The following TEKT3 variants were observed in gnomAD, a reference collection of about 807,000 sequenced individuals.
TEKT3 encodes tektin-3.
A neutral mutation model predicts 49.8 loss-of-function variants in TEKT3; 49 were observed. The observed-to-expected ratio is 0.98, with a 90% CI of 0.78 to 1.25. The LOEUF (loss-of-function observed/expected upper bound fraction) is 1.25. Ranked by LOEUF, TEKT3 falls within the 50% of genes most tolerant of loss-of-function variation. The pLI, the probability that TEKT3 is intolerant of heterozygous loss-of-function variation, is 0.00. For missense variants in TEKT3, 595 were observed against 629.5 expected (o/e 0.95, Z 0.59); for synonymous variants, 225 against 237.2 (o/e 0.95, Z 0.47).
At chr17:15,338,422 A>C (rs1427840519) in intron 2 of TEKT3, 3 of 152,042 alleles carry the variant, frequency 2.0e-5, no homozygotes, top group African/African-American at 7.2e-5. Context: ...GAAATACCTC[A>C]GTTTTTAAAA....
rs200189861 is a variant in TEKT3 at position 15,312,214 on chromosome 17, G to T, written c.1101+45C>A. 1.1e-5 allele frequency: 17 copies of T among 1,578,826 alleles called. No individual in the cohort carries two copies. In the East Asian group the frequency reaches 3.8e-4, roughly 35 times the overall value. ...GAGATTTGTAGTCCCAGAGCACACC[G>T]CTCTGTCCAGGTCAGCTAAGGGGTA... On this transcript the variant is annotated intron_variant, in intron 7 of 8. Coordinates refer to ENST00000395930, the MANE Select transcript of TEKT3 (RefSeq NM_031898.3).
intron 4 of TEKT3, among the ~76,000 whole-genome samples, chr17:15,319,705 C>A (rs1200147245): frequency 6.6e-6 from 1 of 152,216 alleles, no homozygotes; most frequent in Non-Finnish European, 1.5e-5. Flanking sequence ...GTACAAACAC[C>A]TGTGCTAGCC....
At chr17:15,306,079 A>ATT (rs1491277233) in intron 8 of TEKT3, among the ~76,000 whole-genome samples, 1 of 79,758 alleles carries the variant, frequency 1.3e-5, no homozygotes, top group African/African-American at 5.6e-5. Flanking sequence ...ACCACAGTTT[A>ATT]TTTATATATA....
At chr17:15,312,502 C>A in intron 6 of TEKT3, 21 bp from the exon 7 acceptor site, 3 of 1,607,974 alleles carry the variant, frequency 1.9e-6, no homozygotes, top group Non-Finnish European at 2.6e-6. Flanking sequence ...GAAGCAGAAG[C>A]AGACAACAGT....
rs1004297942 is a variant in TEKT3, at chr17:15,331,592, A to C, written c.-7T>G. 6.3e-7 allele frequency: 1 copy of C among 1,598,388 alleles called. No individual in the cohort carries two copies. Among genetic ancestry groups the C allele is most frequent in the Admixed American group, 1.7e-5 (1 of 57,604 alleles). Reference sequence around the variant, plus strand: ...TACAACCTACACGTTCCATGATGCCAAAACACTATTTGTAAATCTCTCCTG... The same window carrying C: ...TACAACCTACACGTTCCATGATGCCCAAACACTATTTGTAAATCTCTCCTG... On this transcript the variant is annotated 5_prime_UTR_variant, in exon 3 of 9. Coordinates refer to ENST00000395930, the MANE Select transcript of TEKT3 (RefSeq NM_031898.3).
At chr17:15,310,777 C>T (rs1910736928) in intron 7 of TEKT3, 1 of 152,138 alleles carries the variant, frequency 6.6e-6, no homozygotes, top group Non-Finnish European at 1.5e-5. Context: ...TCACACCGGC[C>T]TTCTAAAAGG....
chr17:15,341,948 T>C (rs1005928011), upstream of TEKT3, among the ~76,000 whole-genome samples: 2 of 152,190 alleles, frequency 1.3e-5, no homozygotes, highest in Non-Finnish European at 2.9e-5. Context: ...CTAAGGCACA[T>C]CAGGGCTGCC....
chr17:15,339,581 G>A (rs1912139499), intron 2 of TEKT3, among the ~76,000 whole-genome samples: 1 of 152,108 alleles, frequency 6.6e-6, no homozygotes, highest in Non-Finnish European at 1.5e-5. Flanking sequence ...GCTTCATACT[G>A]GGTAAACATT....
At chr17:15,342,318 C>T (rs1046500974), upstream of TEKT3, among the ~76,000 whole-genome samples, 4 of 152,196 alleles carry the variant, frequency 2.6e-5, no homozygotes, top group Non-Finnish European at 2.9e-5. Context: ...AACACTAAAA[C>T]TCAAATCAGT....
chr17:15,316,074 T>C (rs555420801), intron 5 of TEKT3, among the ~76,000 whole-genome samples: 2 of 152,354 alleles, frequency 1.3e-5, no homozygotes, highest in South Asian at 4.1e-4. Context: ...TTGTGAATTC[T>C]AAGACAGTAT....
intron 3 of TEKT3, among the ~76,000 whole-genome samples, chr17:15,329,017 G>C (rs777853127): frequency 6.6e-6 from 1 of 152,032 alleles, no homozygotes; most frequent in Non-Finnish European, 1.5e-5. Context: ...ACGGGTAGAG[G>C]GGAACTCTGA....
In TEKT3 at chr17:15,312,283, A is replaced by C. The variant is rs746066348; in HGVS notation, c.1077T>G (p.Asn359Lys). The C allele has an allele frequency of 1.9e-6, 3 of 1,614,066 alleles. No homozygotes were observed. Among genetic ancestry groups the C allele is most frequent in the Non-Finnish European group, 2.5e-6 (3 of 1,180,046 alleles). ...CCTTTGCTAAGTGCGTCTGAATCTTATTCTTAGCATCTGCAGTCTCAGCAA... is the reference window on the plus strand; with the variant it reads ...CCTTTGCTAAGTGCGTCTGAATCTTCTTCTTAGCATCTGCAGTCTCAGCAA... ...NRIAETADAKNKIQTHLAKTL... is the reference protein window; with the variant it reads ...NRIAETADAKKKIQTHLAKTL... Residue 359 changes from asparagine (N) to lysine (K), a missense_variant, in exon 7 of 9, where the codon AAT (asparagine) becomes AAG (lysine). By Grantham distance (94) the Asn-to-Lys change is moderately conservative (BLOSUM62 0). Transcript: ENST00000395930.
At chr17:15,314,774 A>G (rs1910931786) in intron 5 of TEKT3, among the ~76,000 whole-genome samples, 1 of 152,208 alleles carries the variant, frequency 6.6e-6, no homozygotes, top group Non-Finnish European at 1.5e-5. Context: ...GCCAGGAGAT[A>G]AAAACCAAGG....
chr17:15,317,500 A>G (rs907395172), intron 5 of TEKT3, among the ~76,000 whole-genome samples: 2 of 152,202 alleles, frequency 1.3e-5, no homozygotes, highest in African/African-American at 2.4e-5. Flanking sequence ...TTTCCAAATT[A>G]AAAAACCCTT....
In TEKT3 at chr17:15,314,075, T is replaced by G. The variant is rs539939011; in HGVS notation, c.878+12A>C. On this transcript the variant is annotated intron_variant, in intron 6 of 8. Coordinates refer to ENST00000395930, the MANE Select transcript of TEKT3 (RefSeq NM_031898.3). The stretch of plus-strand genomic sequence containing the variant: ...ACATCGAAATCACAGCCGTGGCGTG[T>G]GCCTGACTTACGTTGCATCGACCCT... 39 of 1,614,208 alleles carry G rather than the reference T, an allele frequency of 2.4e-5. 1 individual carries two copies. In the South Asian group the frequency reaches 4.0e-4, roughly 16 times the overall value.
At chr17:15,342,289 G>A (rs1464783137), upstream of TEKT3, among the ~76,000 whole-genome samples, 3 of 152,200 alleles carry the variant, frequency 2.0e-5, no homozygotes, top group East Asian at 5.8e-4. Context: ...CTTAGACAAT[G>A]TGACTCAGTG....
At chr17:15,308,946 C>T (rs1019797419) in intron 7 of TEKT3, 128 bp from the exon 8 acceptor site, 26 of 1,145,038 alleles carry the variant, frequency 2.3e-5, no homozygotes, top group African/African-American at 9.1e-5. Context: ...AGTTGCTTCA[C>T]CAAGACCGTC....
rs1448279245 is a variant in TEKT3 at position 15,341,525 on chromosome 17, C to G, written c.-71G>C. The G allele has an allele frequency of 6.6e-6, 1 of 152,426 alleles. No homozygotes were observed. Among genetic ancestry groups the G allele is most frequent in the Admixed American group, 6.5e-5 (1 of 15,286 alleles). The allele number at this position is 152,426 out of a possible 1,614,324, so 9.4% of individuals were successfully genotyped here. On this transcript the variant is annotated 5_prime_UTR_variant, in exon 1 of 9. Coordinates refer to ENST00000395930, the MANE Select transcript of TEKT3 (RefSeq NM_031898.3). ...GTCAGCGAGACCACTCACCTGTCGGCGGATGCCCGGCGAGGGGCGGGAAGG... is the reference window on the plus strand; with the variant it reads ...GTCAGCGAGACCACTCACCTGTCGGGGGATGCCCGGCGAGGGGCGGGAAGG...
upstream of TEKT3, among the ~76,000 whole-genome samples, chr17:15,342,496 C>T (rs895329309): frequency 1.5e-4 from 23 of 152,142 alleles, no homozygotes; most frequent in African/African-American, 9.7e-5. Flanking sequence ...AAGGACGAGG[C>T]GGAGGGACTT....
Sources: gnomAD v4.1 joint callset for allele counts (sites outside exome capture counted in the v4.1 genomes callset) on GRCh38, gnomAD v4.1.1 for gene constraint, MANE v1.5 for transcripts, NCBI Gene and HGNC (gene_info 2026-07-23, HGNC 2026-07-21) for gene names.